LAMA4: variants seen among roughly 807,000 people sequenced by gnomAD.
LAMA4 encodes the protein laminin subunit alpha 4, also known as laminin subunit alpha-4.
In LAMA4, 127 loss-of-function variants were observed where a neutral mutation model predicts 207.1. That is an observed-to-expected ratio of 0.61 (90% confidence interval 0.53 to 0.71). The LOEUF (loss-of-function observed/expected upper bound fraction) is 0.71. Among genes scored for constraint, LAMA4 ranks in the 30% least tolerant of loss-of-function variants. The pLI is 0.00. For missense variants in LAMA4, 2,093 were observed against 2,246.5 expected, an observed-to-expected ratio of 0.93 and a Z score of 1.38; for synonymous variants, 761 against 816.0, an observed-to-expected ratio of 0.93 and a Z score of 1.15.
In LAMA4 at chr6:112,128,819, G is replaced by A. The variant is rs144173987; in HGVS notation, c.4287+103C>T. On this transcript the variant is annotated intron_variant, in intron 31 of 38. Coordinates refer to ENST00000230538, the MANE Select transcript of LAMA4 (RefSeq NM_001105206.3). ...CAAGAATCCCATCTTTCCTATGTAC[G>A]TAGTTGCAAAGTATCAAGTCAATTC... 503 of 935,502 alleles carry A rather than the reference G, an allele frequency of 5.4e-4. 3 individuals are homozygous for A. The African/African-American group carries it at 6.3e-3, about 12-fold the overall frequency. The allele number at this position is 935,502 out of a possible 1,614,324, so 58.0% of individuals were successfully genotyped here.
chr6:112,200,026 T>G, intron 5 of LAMA4: 2 of 493,438 alleles, frequency 4.1e-6, no homozygotes, highest in Non-Finnish European at 8.3e-6. Context: ...TAATGGCATT[T>G]CTGTTAAAAA....
chr6:112,219,866 G>A lies in LAMA4; in HGVS notation c.196-3397C>T, dbSNP rs1554359960. 2.0e-5 allele frequency among the ~76,000 whole-genome samples: 3 copies of A among 152,076 alleles called. No individual in the cohort carries two copies. In the East Asian group the frequency reaches 5.8e-4, roughly 29 times the overall value. ...CTTACAGAGATGTATTACTGAAGCC[G>A]GCTAATACAGATAAGAAATGGTGGA... On this transcript the variant is annotated intron_variant, in intron 2 of 38. Transcript: ENST00000230538.
intron 9 of LAMA4, among the ~76,000 whole-genome samples, chr6:112,184,110 G>T (rs1562705574): frequency 6.6e-6 from 1 of 152,036 alleles, no homozygotes; most frequent in African/African-American, 2.4e-5. Flanking sequence ...AGCACTAGTG[G>T]TTGGATTAAT....
intron 18 of LAMA4, 46 bp downstream of exon 18, chr6:112,148,111 G>A (rs1554334922): frequency 3.2e-6 from 5 of 1,553,040 alleles, no homozygotes; most frequent in Admixed American, 1.7e-5. Flanking sequence ...GAGTTTAATG[G>A]CCAATTCCTT....
chr6:112,129,119 T>G, intron 30 of LAMA4, 44 bp from the exon 31 acceptor site: 2 of 1,520,778 alleles, frequency 1.3e-6, no homozygotes, highest in Non-Finnish European at 1.8e-6. Flanking sequence ...AAAATATTGT[T>G]CAGAATTACA....
chr6:112,213,063 G>C (rs1784440566), intron 3 of LAMA4, among the ~76,000 whole-genome samples: 1 of 152,190 alleles, frequency 6.6e-6, no homozygotes, highest in Non-Finnish European at 1.5e-5. Flanking sequence ...TGTGCCTAGG[G>C]TAGGCTGGAA....
intron 4 of LAMA4, 39 bp from the exon 5 acceptor site, chr6:112,201,727 A>G: frequency 6.6e-7 from 1 of 1,511,478 alleles, no homozygotes; most frequent in East Asian, 2.3e-5. Flanking sequence ...AATTCCATAC[A>G]TCACCAAAGA....
intron 31 of LAMA4, among the ~76,000 whole-genome samples, chr6:112,126,068 T>C (rs1778670280): frequency 6.6e-6 from 1 of 152,130 alleles, no homozygotes; most frequent in South Asian, 2.1e-4. Flanking sequence ...CAAGTTTCTG[T>C]CTAACACTAT....
intron 18 of LAMA4, among the ~76,000 whole-genome samples, chr6:112,147,013 T>C (rs1446050567): frequency 6.6e-6 from 1 of 152,232 alleles, no homozygotes; most frequent in Non-Finnish European, 1.5e-5. Context: ...TTAGAGTACT[T>C]ATAAAGTGTC....
intron 2 of LAMA4, among the ~76,000 whole-genome samples, chr6:112,228,402 G>C (rs1785349385): frequency 6.6e-6 from 1 of 152,146 alleles, no homozygotes; most frequent in South Asian, 2.1e-4. Flanking sequence ...TAGACAAAAG[G>C]AAATGGAAAA....
At chr6:112,228,484 A>G (rs112598553) in intron 2 of LAMA4, among the ~76,000 whole-genome samples, 114 of 152,316 alleles carry the variant, frequency 7.5e-4, no homozygotes, top group African/African-American at 2.4e-3. Context: ...AATTCACCTA[A>G]GAGAGTGTAA....
chr6:112,205,147 C>T lies in LAMA4; in HGVS notation c.422+1874G>A, dbSNP rs757064529. Reference sequence around the variant, plus strand: ...TAATCTTTACAACAGCTATCAATTACGTAAATATTACATCGAAACACTTAG... The same window carrying T: ...TAATCTTTACAACAGCTATCAATTATGTAAATATTACATCGAAACACTTAG... On this transcript the variant is annotated intron_variant, in intron 4 of 38. Coordinates refer to ENST00000230538, the MANE Select transcript of LAMA4 (RefSeq NM_001105206.3). Among the ~76,000 whole-genome samples the T allele has an allele frequency of 3.0e-4, 45 of 152,090 alleles. 1 individual carries two copies. Among genetic ancestry groups the T allele is most frequent in the Non-Finnish European group, 2.4e-4 (16 of 68,022 alleles).
chr6:112,253,722 C>G, intron 2 of LAMA4: 1 of 1,609,870 alleles, frequency 6.2e-7, no homozygotes, highest in Non-Finnish European at 8.5e-7. Flanking sequence ...AACACATGCA[C>G]TCTCACCCCT....
intron 16 of LAMA4, among the ~76,000 whole-genome samples, chr6:112,150,978 G>C (rs971235777): frequency 7.2e-5 from 11 of 152,036 alleles, no homozygotes; most frequent in African/African-American, 2.7e-4. Flanking sequence ...GATAACGACT[G>C]GTTATAAAAA....
intron 9 of LAMA4, among the ~76,000 whole-genome samples, chr6:112,184,533 A>T (rs1267600774): frequency 6.6e-6 from 1 of 152,096 alleles, no homozygotes. Flanking sequence ...TATTTTTCTC[A>T]ATATTTTTCT....
intron 31 of LAMA4, among the ~76,000 whole-genome samples, chr6:112,124,902 A>G (rs945126994): frequency 1.4e-4 from 21 of 151,946 alleles, no homozygotes; most frequent in Admixed American, 9.8e-4. Context: ...GATTACAGGC[A>G]TGCGCCACCA....
At chr6:112,201,776 TC>T in intron 4 of LAMA4, 88 bp from the exon 5 acceptor site, 1 of 1,115,726 alleles carries the variant, frequency 9.0e-7, no homozygotes, top group African/African-American at 1.5e-5. Context: ...TCTATGTTGG[TC>T]CCATTAAAGT....
At position 112,109,262 on chromosome 6, in the gene LAMA4, G is replaced by T; in HGVS notation, c.*175C>A. On this transcript the variant is annotated 3_prime_UTR_variant, in exon 39 of 39. Coordinates refer to ENST00000230538, the MANE Select transcript of LAMA4 (RefSeq NM_001105206.3). ...CCATTGCAGACACTTTGGATTCAAG[G>T]TTAAGAATCCAAATGAGAAATAAGA... The T allele has an allele frequency of 1.3e-6, 1 of 742,372 alleles. No individual in the cohort carries two copies. Among genetic ancestry groups the T allele is most frequent in the Non-Finnish European group, 2.2e-6 (1 of 449,608 alleles). The allele number at this position is 742,372 out of a possible 1,614,324, so 46.0% of individuals were successfully genotyped here. A position where few individuals can be genotyped will look rare whatever the true frequency, so the allele number is the denominator to read the frequency against.
At chr6:112,197,033 A>G (rs181577307) in intron 5 of LAMA4, among the ~76,000 whole-genome samples, 2 of 152,316 alleles carry the variant, frequency 1.3e-5, no homozygotes, top group East Asian at 3.9e-4. Flanking sequence ...ATAAGGATGA[A>G]AATGGTATTC....
Sources: gnomAD v4.1 joint callset for allele counts (sites outside exome capture counted in the v4.1 genomes callset) on GRCh38, gnomAD v4.1.1 for gene constraint, MANE v1.5 for transcripts, NCBI Gene and HGNC (gene_info 2026-07-23, HGNC 2026-07-21) for gene names.